SLC35D3: variants seen among roughly 807,000 people sequenced by gnomAD.
SLC35D3 encodes frc, fringe-like 1.
SLC35D3 carries 18 observed loss-of-function variants against 20.3 expected under a neutral mutation model. The ratio of observed to expected loss-of-function variants is 0.89; its 90% CI spans 0.61 to 1.32. SLC35D3 has a LOEUF of 1.32. SLC35D3 is among the 40% of genes most tolerant of loss of function. SLC35D3 has a pLI of 0.00. For missense variants in SLC35D3, 556 were observed against 565.5 expected, an observed-to-expected ratio of 0.98 and a Z score of 0.17; for synonymous variants, 313 against 263.5, an observed-to-expected ratio of 1.19 and a Z score of -1.82.
In SLC35D3 at chr6:136,922,993, G is replaced by T; in HGVS notation, c.439+126G>T. The T allele has an allele frequency of 3.6e-6, 4 of 1,106,274 alleles. No individual in the cohort carries two copies. Among genetic ancestry groups the T allele is most frequent in the Non-Finnish European group, 5.0e-6 (4 of 803,040 alleles). The allele number at this position is 1,106,274 out of a possible 1,614,324, so 68.5% of individuals were successfully genotyped here. The stretch of plus-strand genomic sequence containing the variant: ...TGGGGAGACTGAGGCAGAGAGAGCC[G>T]GAGAGCTTTGAGAGTGGTCGCTCAG... On this transcript the variant is annotated intron_variant, in intron 1 of 1. Coordinates refer to ENST00000331858, the MANE Select transcript of SLC35D3 (RefSeq NM_001008783.3). The surrounding 1 kb of genome is among the most constrained non-coding windows in gnomAD (Gnocchi z 6.8).
chr6:136,924,077 C>G lies in SLC35D3; in HGVS notation c.632C>G (p.Ser211Cys). 1.2e-6 allele frequency: 2 copies of G among 1,611,934 alleles called. No homozygotes were observed. ...LVICSFASTD[S>C]IHAWTFPGWK... ...ATCTGCTCCTTCGCCAGCACCGACT[C>G]CATCCACGCCTGGACCTTCCCGGGC... Residue 211 changes from serine to cysteine, a missense_variant, in exon 2 of 2, where the codon TCC becomes TGC. Ser to Cys is a moderately radical substitution (Grantham distance 112). Transcript: ENST00000331858.
chr6:136,923,913 C>A lies in SLC35D3; in HGVS notation c.468C>A (p.Ile156=). The change falls in exon 2 of 2, where the codon ATC becomes ATA. Residue 156 remains isoleucine (I), a synonymous_variant. Transcript: ENST00000331858. The surrounding 1 kb of genome is among the most constrained non-coding windows in gnomAD (Gnocchi z 6.2). ...CCGGCGACCTGACGGGCGACCCCAT[C>A]GGGTACGTCACGGGAGTGCTGGCGG... ...AGAGDLTGDP[I]GYVTGVLAVL... The A allele has an allele frequency of 6.5e-7, 1 of 1,527,068 alleles. No homozygotes were observed. The highest frequency in any genetic ancestry group is 8.8e-7 in the Non-Finnish European group (1 of 1,137,110). The allele number at this position is 1,527,068 out of a possible 1,614,324, so 94.6% of individuals were successfully genotyped here.
chr6:136,924,173 C>G lies in SLC35D3; in HGVS notation c.728C>G (p.Thr243Arg). 1.2e-6 allele frequency: 2 copies of G among 1,613,182 alleles called. No individual in the cohort carries two copies. The highest frequency in any genetic ancestry group is 8.5e-7 in the Non-Finnish European group (1 of 1,180,044). Residue 243 changes from threonine (T) to arginine (R), a missense_variant, in exon 2 of 2, where the codon ACG becomes AGG. Physicochemically the swap from Thr to Arg is moderately conservative, Grantham distance 71 (BLOSUM62 -1). Coordinates refer to ENST00000331858, the MANE Select transcript of SLC35D3 (RefSeq NM_001008783.3). ...ILIGCAMNFT[T>R]LHCTYINSAV... ...ATCGGCTGCGCCATGAACTTCACCA[C>G]GCTGCACTGCACCTACATCAATTCG...
chr6:136,922,980 G>A lies in SLC35D3; in HGVS notation c.439+113G>A. On this transcript the variant is annotated intron_variant, in intron 1 of 1. Coordinates refer to ENST00000331858, the MANE Select transcript of SLC35D3 (RefSeq NM_001008783.3). This position sits in a 1 kb window ranked among gnomAD's most constrained non-coding sequence, Gnocchi z 6.8. ...CCTCACTTCCAGATGGGGAGACTGA[G>A]GCAGAGAGAGCCGGAGAGCTTTGAG... is the stretch of plus-strand genomic sequence containing the variant. 1.7e-6 allele frequency: 2 copies of A among 1,177,552 alleles called. No homozygotes were observed. The highest frequency in any genetic ancestry group is 1.2e-6 in the Non-Finnish European group (1 of 866,636). 72.9% of individuals were successfully genotyped at this position (1,177,552 alleles called of 1,614,324 possible). A position where few individuals can be genotyped will look rare whatever the true frequency, so the allele number is the denominator to read the frequency against.
chr6:136,924,922 TAAC>T lies in SLC35D3; in HGVS notation c.*229_*231del. ...AGAGACAAAAGAATGTGAAGCTACT[TAAC>T]AAAGTAAGGCAACGTTTCTGCTTCA... On this transcript the variant is annotated 3_prime_UTR_variant, in exon 2 of 2. Coordinates refer to ENST00000331858, the MANE Select transcript of SLC35D3 (RefSeq NM_001008783.3). 2 of 462,738 alleles carry T rather than the reference TAAC, an allele frequency of 4.3e-6. No individual in the cohort carries two copies. Among genetic ancestry groups the T allele is most frequent in the Non-Finnish European group, 3.8e-6 (1 of 266,408 alleles). The allele number at this position is 462,738 out of a possible 1,614,324, so 28.7% of individuals were successfully genotyped here.
rs961700213 is a variant in SLC35D3 at position 136,922,344 on chromosome 6, C to G, written c.-85C>G. ...TTCGCCGCCGCGCTGGGCGGGCGCC[C>G]CCGCCGCCCTCACTCCGCTGCTCCC... On this transcript the variant is annotated 5_prime_UTR_variant, in exon 1 of 2. Coordinates refer to ENST00000331858, the MANE Select transcript of SLC35D3 (RefSeq NM_001008783.3). This position sits in a 1 kb window ranked among gnomAD's most constrained non-coding sequence, Gnocchi z 6.8. 4 of 1,177,598 alleles carry G rather than the reference C, an allele frequency of 3.4e-6. No individual in the cohort carries two copies. Among genetic ancestry groups the G allele is most frequent in the Admixed American group, 8.9e-5 (2 of 22,468 alleles). 72.9% of individuals were successfully genotyped at this position (1,177,598 alleles called of 1,614,324 possible). A position where few individuals can be genotyped will look rare whatever the true frequency, so the allele number is the denominator to read the frequency against.
Position 136,924,447 on chromosome 6 carries a change from G to A in SLC35D3, c.1002G>A (p.Met334Ile). 1 of 1,613,914 alleles carries A rather than the reference G, an allele frequency of 6.2e-7. No individual in the cohort carries two copies. Among genetic ancestry groups the A allele is most frequent in the Non-Finnish European group, 8.5e-7 (1 of 1,179,916 alleles). The change falls in exon 2 of 2, where the codon ATG becomes ATA. Residue 334 changes from methionine (M) to isoleucine (I), a missense_variant. By Grantham distance (10) the Met-to-Ile change is conservative (BLOSUM62 1). Transcript: ENST00000331858. ...GTGGAGACCAGCTGCCGTTCGTGAT[G>A]GAGGAGCTGCCCGGGGAGGGAGGAA... Reference protein sequence around the residue: ...QLSGDQLPFVMEELPGEGGNG... With the variant: ...QLSGDQLPFVIEELPGEGGNG...
chr6:136,923,809 C>T lies in SLC35D3; in HGVS notation c.440-76C>T. 7.2e-7 allele frequency: 1 copy of T among 1,386,714 alleles called. No individual in the cohort carries two copies. Among genetic ancestry groups the T allele is most frequent in the South Asian group, 1.5e-5 (1 of 68,272 alleles). The allele number at this position is 1,386,714 out of a possible 1,614,324, so 85.9% of individuals were successfully genotyped here. ...ACCCGACGCGTTTTCCCCGTGGGTC[C>T]CCGCCCACGCCAACCTGCTGTCTTC... On this transcript the variant is annotated intron_variant, in intron 1 of 1. Coordinates refer to ENST00000331858, the MANE Select transcript of SLC35D3 (RefSeq NM_001008783.3). The surrounding 1 kb of genome is among the most constrained non-coding windows in gnomAD (Gnocchi z 6.2).
At position 136,923,881 on chromosome 6, in the gene SLC35D3, G is replaced by T. The variant is rs1211190401; in HGVS notation, c.440-4G>T. The T allele has an allele frequency of 6.6e-7, 1 of 1,504,532 alleles. No individual in the cohort carries two copies. The allele number at this position is 1,504,532 out of a possible 1,614,324, so 93.2% of individuals were successfully genotyped here. A position where few individuals can be genotyped will look rare whatever the true frequency, so the allele number is the denominator to read the frequency against. On this transcript the variant is annotated splice_region_variant and splice_polypyrimidine_tract_variant and intron_variant, in intron 1 of 1. Coordinates refer to ENST00000331858, the MANE Select transcript of SLC35D3 (RefSeq NM_001008783.3). The surrounding 1 kb of genome is among the most constrained non-coding windows in gnomAD (Gnocchi z 6.2). ...GGCTCGGCCGTCCTCCTCGTGCGCC[G>T]CAGGAGCCGGCGACCTGACGGGCGA...
chr6:136,924,429 C>G lies in SLC35D3; in HGVS notation c.984C>G (p.Asp328Glu), dbSNP rs116512494. ...GAGAGGAGGCGCAGCTAAGTGGAGACCAGCTGCCGTTCGTGATGGAGGAGC... is the reference window on the plus strand; with the variant it reads ...GAGAGGAGGCGCAGCTAAGTGGAGAGCAGCTGCCGTTCGTGATGGAGGAGC... Reference protein sequence around the residue: ...PRGEEAQLSGDQLPFVMEELP... With the variant: ...PRGEEAQLSGEQLPFVMEELP... Residue 328 changes from aspartate to glutamate, a missense_variant, in exon 2 of 2, where the codon GAC becomes GAG. Physicochemically the swap from Asp to Glu is conservative, Grantham distance 45. Transcript: ENST00000331858. 8.1e-6 allele frequency: 13 copies of G among 1,613,878 alleles called. No individual in the cohort carries two copies. In the South Asian group the frequency reaches 1.2e-4, roughly 15 times the overall value.
In SLC35D3 at chr6:136,923,004, A is replaced by G. The variant is rs550584870; in HGVS notation, c.439+137A>G. The G allele has an allele frequency of 4.4e-4, 455 of 1,029,180 alleles. No individual in the cohort carries two copies. Among genetic ancestry groups the G allele is most frequent in the Non-Finnish European group, 5.9e-4 (434 of 734,842 alleles). The allele number at this position is 1,029,180 out of a possible 1,614,324, so 63.8% of individuals were successfully genotyped here. On this transcript the variant is annotated intron_variant, in intron 1 of 1. Transcript: ENST00000331858. This position sits in a 1 kb window ranked among gnomAD's most constrained non-coding sequence, Gnocchi z 6.2. Reference sequence around the variant, plus strand: ...AGGCAGAGAGAGCCGGAGAGCTTTGAGAGTGGTCGCTCAGCTCGCAAAAGG... The same window carrying G: ...AGGCAGAGAGAGCCGGAGAGCTTTGGGAGTGGTCGCTCAGCTCGCAAAAGG...
Position 136,923,765 on chromosome 6 carries a change from G to T in SLC35D3, c.440-120G>T. 1 of 986,778 alleles carries T rather than the reference G, an allele frequency of 1.0e-6. No individual in the cohort carries two copies. Among genetic ancestry groups the T allele is most frequent in the Non-Finnish European group, 1.4e-6 (1 of 691,038 alleles). The allele number at this position is 986,778 out of a possible 1,614,324, so 61.1% of individuals were successfully genotyped here. A position where few individuals can be genotyped will look rare whatever the true frequency, so the allele number is the denominator to read the frequency against. On this transcript the variant is annotated intron_variant, in intron 1 of 1. Coordinates refer to ENST00000331858, the MANE Select transcript of SLC35D3 (RefSeq NM_001008783.3). This position sits in a 1 kb window ranked among gnomAD's most constrained non-coding sequence, Gnocchi z 6.2. ...AATCCGGTGGGCAGAGCTGGGGCGC[G>T]AACCCAGTCTCCTTTCCTACCCGAC...
At position 136,923,704 on chromosome 6, in the gene SLC35D3, G is replaced by A. The variant is rs1414540848; in HGVS notation, c.440-181G>A. On this transcript the variant is annotated intron_variant, in intron 1 of 1. Transcript: ENST00000331858. The surrounding 1 kb of genome is among the most constrained non-coding windows in gnomAD (Gnocchi z 6.2). ...TGAGTTTGGCTGTCGCATTTGACAC[G>A]GGTGGCCGAGGGACGGCGGGCGTCT... 6.6e-6 allele frequency among the ~76,000 whole-genome samples: 1 copy of A among 152,206 alleles called. No individual in the cohort carries two copies. Among genetic ancestry groups the A allele is most frequent in the African/African-American group, 2.4e-5 (1 of 41,458 alleles).
chr6:136,924,202 G>C lies in SLC35D3; in HGVS notation c.757G>C (p.Val253Leu), dbSNP rs1162852878. 1 of 1,613,688 alleles carries C rather than the reference G, an allele frequency of 6.2e-7. No homozygotes were observed. The highest frequency in any genetic ancestry group is 8.5e-7 in the Non-Finnish European group (1 of 1,180,030). ...TLHCTYINSA[V>L]TTSFVGVVKS... ...GCACTGCACCTACATCAATTCGGCC[G>C]TGACCACCAGCTTCGTGGGTGTGGT... The change falls in exon 2 of 2, where the codon GTG becomes CTG. Residue 253 changes from valine (V) to leucine (L), a missense_variant. Transcript: ENST00000331858.
chr6:136,924,041 C>G lies in SLC35D3; in HGVS notation c.596C>G (p.Pro199Arg), dbSNP rs1562766056. The G allele has an allele frequency of 2.5e-6, 4 of 1,607,336 alleles. No homozygotes were observed. The highest frequency in any genetic ancestry group is 3.4e-5 in the Admixed American group (2 of 59,700). ...AQYVIAVSAT[P>R]LLVICSFAST... ...TACGTCATCGCCGTCTCTGCCACCC[C>G]GCTGCTGGTCATCTGCTCCTTCGCC... The change falls in exon 2 of 2, where the codon CCG becomes CGG. Residue 199 changes from proline to arginine, a missense_variant. Coordinates refer to ENST00000331858, the MANE Select transcript of SLC35D3 (RefSeq NM_001008783.3).
chr6:136,924,650 T>G lies in SLC35D3; in HGVS notation c.1205T>G (p.Met402Arg). The G allele has an allele frequency of 6.2e-7, 1 of 1,613,922 alleles. No individual in the cohort carries two copies. Among genetic ancestry groups the G allele is most frequent in the East Asian group, 2.2e-5 (1 of 44,872 alleles). The change falls in exon 2 of 2, where the codon ATG (methionine) becomes AGG (arginine). Residue 402 changes from methionine (M) to arginine (R), a missense_variant. Transcript: ENST00000331858. ...VWRLVRGTRY[M>R]KKDYLIENEE... ...AGGTTGGTTAGGGGAACCAGGTATA[T>G]GAAGAAGGATTATTTGATAGAAAAC...
In SLC35D3 at chr6:136,924,521, G is replaced by A; in HGVS notation, c.1076G>A (p.Ser359Asn). 1.9e-6 allele frequency: 3 copies of A among 1,613,420 alleles called. No homozygotes were observed. The highest frequency in any genetic ancestry group is 2.5e-6 in the Non-Finnish European group (3 of 1,179,886). ...GEAAGGPAQE[S>N]RQEVRGSPRG... is the part of the protein sequence containing the mutation. ...GCAGCAGGTGGCCCCGCTCAGGAGA[G>A]CAGGCAAGAGGTCAGGGGCAGCCCC... The change falls in exon 2 of 2, where the codon AGC (serine) becomes AAC (asparagine). Residue 359 changes from serine to asparagine, a missense_variant. Transcript: ENST00000331858.
chr6:136,924,015 G>C lies in SLC35D3; in HGVS notation c.570G>C (p.Gln190His), dbSNP rs1170451337. The C allele has an allele frequency of 1.2e-6, 2 of 1,601,064 alleles. No homozygotes were observed. Among genetic ancestry groups the C allele is most frequent in the Non-Finnish European group, 1.7e-6 (2 of 1,176,986 alleles). ...ADTEHGPLTA[Q>H]YVIAVSATPL... ...CCGAGCACGGGCCGCTCACCGCGCAGTACGTCATCGCCGTCTCTGCCACCC... is the reference window on the plus strand; with the variant it reads ...CCGAGCACGGGCCGCTCACCGCGCACTACGTCATCGCCGTCTCTGCCACCC... The change falls in exon 2 of 2, where the codon CAG (glutamine) becomes CAC (histidine). Residue 190 changes from glutamine (Q) to histidine (H), a missense_variant. Transcript: ENST00000331858.
rs753163288 is a variant in SLC35D3 at position 136,924,562 on chromosome 6, G to T, written c.1117G>T (p.Val373Leu). 3 of 1,613,748 alleles carry T rather than the reference G, an allele frequency of 1.9e-6. No individual in the cohort carries two copies. In the South Asian group the frequency reaches 3.3e-5, roughly 18 times the overall value. ...GGGCAGCCCCCGAGGAGTCCCGCTG[G>T]TGGCTGGGAGCTCTGAAGAAGGGAG... is the stretch of plus-strand genomic sequence containing the variant. ...VRGSPRGVPL[V>L]AGSSEEGSRR... is the part of the protein sequence containing the mutation. Residue 373 changes from valine (V) to leucine (L), a missense_variant, in exon 2 of 2, where the codon GTG (valine) becomes TTG (leucine). Coordinates refer to ENST00000331858, the MANE Select transcript of SLC35D3 (RefSeq NM_001008783.3).
Sources: gnomAD v4.1 joint callset for allele counts (sites outside exome capture counted in the v4.1 genomes callset) on GRCh38, gnomAD v4.1.1 for gene constraint, Gnocchi (gnomAD v3.1) non-coding constraint, MANE v1.5 for transcripts, NCBI Gene and HGNC (gene_info 2026-07-23, HGNC 2026-07-21) for gene names.